The following LTBP2 variants were observed in gnomAD, a reference collection of about 807,000 sequenced individuals.
LTBP2 encodes the protein latent transforming growth factor beta binding protein 2.
LTBP2 carries 103 observed loss-of-function variants against 210.6 expected under a neutral mutation model. The observed-to-expected ratio is 0.49, with a 90% CI of 0.42 to 0.58. The LOEUF is 0.58. LTBP2 is among the 20% of genes least tolerant of loss of function. The probability of loss-of-function intolerance (pLI) is 0.00; values close to 1 mark genes in which losing one functional copy is unlikely to be tolerated. For synonymous variants in LTBP2, 1,007 were observed against 1,015.0 expected, an observed-to-expected ratio of 0.99 and a Z score of 0.15; for missense variants, 2,313 against 2,494.5, an observed-to-expected ratio of 0.93 and a Z score of 1.55.
chr14:74,516,983 G>C (rs1484309445), intron 17 of LTBP2, 42 bp from the exon 18 acceptor site: 2 of 1,546,856 alleles, frequency 1.3e-6, no homozygotes, highest in Admixed American at 2.0e-5. Flanking sequence ...GCCAGCCCTG[G>C]AGGATGGTGG....
chr14:74,555,519 G>A lies in LTBP2; in HGVS notation c.1005C>T (p.His335=). Reference sequence around the variant, plus strand: ...TATCCTTACCCCAGGGGGATGAGGGGTGCTCCAGAGGTACCGCCTGTTGGG... The same window carrying A: ...TATCCTTACCCCAGGGGGATGAGGGATGCTCCAGAGGTACCGCCTGTTGGG... ...DGTQQAVPLE[H]PSSPWGLNLT... Residue 335 remains histidine (H), a synonymous_variant, in exon 4 of 36, where the codon CAC becomes CAT. Transcript: ENST00000261978. 2.5e-6 allele frequency: 4 copies of A among 1,613,676 alleles called. No individual in the cohort carries two copies. Among genetic ancestry groups the A allele is most frequent in the Non-Finnish European group, 3.4e-6 (4 of 1,179,746 alleles).
chr14:74,579,149 G>A (rs1274280588), intron 3 of LTBP2, among the ~76,000 whole-genome samples: 2 of 152,160 alleles, frequency 1.3e-5, no homozygotes, highest in Admixed American at 6.5e-5. Flanking sequence ...GAGCCACTGC[G>A]CCTGGCCCCA....
chr14:74,506,196 C>A lies in LTBP2; in HGVS notation c.4034-5G>T. 6.2e-7 allele frequency: 1 copy of A among 1,614,134 alleles called. No homozygotes were observed. Among genetic ancestry groups the A allele is most frequent in the Non-Finnish European group, 8.5e-7 (1 of 1,180,020 alleles). ...TAAGCTCACACTCGTTCACATCTGC[C>A]AGGTGTGAGAACAGGCTCGTGGGCA... On this transcript the variant is annotated splice_polypyrimidine_tract_variant and splice_region_variant and intron_variant, in intron 27 of 35. Coordinates refer to ENST00000261978, the MANE Select transcript of LTBP2 (RefSeq NM_000428.3).
Position 74,585,887 on chromosome 14 carries a change from T to G in LTBP2, c.797A>C (p.Gln266Pro), listed in dbSNP as rs200005203. Residue 266 changes from glutamine (Q) to proline (P), a missense_variant, in exon 3 of 36, where the codon CAG becomes CCG. Physicochemically the swap from Gln to Pro is moderately conservative, Grantham distance 76. Around this residue, in one of 3 missense-constraint regions of LTBP2, gnomAD observed 1,867 missense variants for 1,976.9 expected, o/e 0.94. Coordinates refer to ENST00000261978, the MANE Select transcript of LTBP2 (RefSeq NM_000428.3). ...TGGCGACTGTGGTGCGGGCGGCGAC[T>G]GTGGTGCTGGCGGCTGTGCTCTGGC... ...TLARAQPPAP[Q>P]SPPAPQSPPA... 1.2e-6 allele frequency: 2 copies of G among 1,613,664 alleles called. No individual in the cohort carries two copies. The highest frequency in any genetic ancestry group is 1.6e-4 in the Middle Eastern group (1 of 6,078).
At chr14:74,521,333 A>C (rs952936919) in intron 17 of LTBP2, among the ~76,000 whole-genome samples, 1 of 152,228 alleles carries the variant, frequency 6.6e-6, no homozygotes, top group Non-Finnish European at 1.5e-5. Flanking sequence ...AATCATAAAA[A>C]TGTATGTGGA....
At position 74,601,556 on chromosome 14, in the gene LTBP2, T is replaced by C. The variant is rs377122210; in HGVS notation, c.565+2079A>G. 5.7e-4 allele frequency among the ~76,000 whole-genome samples: 87 copies of C among 152,278 alleles called. 2 individuals carry two copies. The South Asian group carries it at 5.8e-3, about 10-fold the overall frequency. On this transcript the variant is annotated intron_variant, in intron 2 of 35. Transcript: ENST00000261978. ...GCTTCGTTGTTTGTTTTTGAGTTTT[T>C]GGCTCTGGTTCTGTTATTTGGAGGT... is the stretch of plus-strand genomic sequence containing the variant.
At chr14:74,506,591 C>T in intron 27 of LTBP2, 107 bp downstream of exon 27, 2 of 1,546,876 alleles carry the variant, frequency 1.3e-6, no homozygotes, top group Non-Finnish European at 1.8e-6. Context: ...CTTGCCCATG[C>T]TCTGGGGACC....
intron 3 of LTBP2, among the ~76,000 whole-genome samples, chr14:74,569,569 G>C (rs2087948386): frequency 6.6e-6 from 1 of 152,188 alleles, no homozygotes; most frequent in South Asian, 2.1e-4. Context: ...ACTCCTCCCA[G>C]GTCCAATGAC....
chr14:74,498,218 G>A lies in LTBP2; in HGVS notation c.*2666C>T, dbSNP rs1320289903. 5.6e-6 allele frequency: 1 copy of A among 177,476 alleles called. No homozygotes were observed. The highest frequency in any genetic ancestry group is 1.2e-5 in the Non-Finnish European group (1 of 82,654). The allele number at this position is 177,476 out of a possible 1,614,324, so 11.0% of individuals were successfully genotyped here. ...AATATTTTATTTTTTTTGAATAGGT[G>A]ATACATATGGTACAAAATTCAAAAA... On this transcript the variant is annotated 3_prime_UTR_variant, in exon 36 of 36. Transcript: ENST00000261978.
chr14:74,528,831 G>T, intron 11 of LTBP2, 127 bp downstream of exon 11: 1 of 1,510,974 alleles, frequency 6.6e-7, no homozygotes, highest in Admixed American at 1.9e-5. Context: ...GTTGGGATAA[G>T]CACGTGAGCA....
At chr14:74,567,502 C>T (rs766975032) in intron 3 of LTBP2, among the ~76,000 whole-genome samples, 7 of 152,104 alleles carry the variant, frequency 4.6e-5, no homozygotes, top group Non-Finnish European at 8.8e-5. Flanking sequence ...CTCAGGGCTC[C>T]AGGAAATGCC....
chr14:74,549,339 C>T (rs982712030), intron 8 of LTBP2, among the ~76,000 whole-genome samples: 5 of 151,986 alleles, frequency 3.3e-5, no homozygotes, highest in African/African-American at 1.2e-4. Context: ...AATGAATTAA[C>T]ACATGTTAGG....
chr14:74,559,559 G>C (rs1212589338), intron 3 of LTBP2, among the ~76,000 whole-genome samples: 3 of 152,122 alleles, frequency 2.0e-5, no homozygotes, highest in African/African-American at 7.2e-5. Flanking sequence ...GCAGGTTCTT[G>C]GCTCAACTCT....
chr14:74,510,564 T>C (rs969502086), intron 19 of LTBP2, among the ~76,000 whole-genome samples: 1 of 152,214 alleles, frequency 6.6e-6, no homozygotes, highest in Non-Finnish European at 1.5e-5. Context: ...GAACCCTACA[T>C]GACCTCCTAC....
chr14:74,606,349 A>C (rs961767591), intron 1 of LTBP2, among the ~76,000 whole-genome samples: 61 of 152,044 alleles, frequency 4.0e-4, no homozygotes, highest in African/African-American at 1.4e-3. Flanking sequence ...CATCACCCCC[A>C]CCTTGTCTCC....
chr14:74,523,159 T>G (rs764212419), intron 15 of LTBP2, among the ~76,000 whole-genome samples: 1 of 151,762 alleles, frequency 6.6e-6, no homozygotes, highest in Non-Finnish European at 1.5e-5. Context: ...CTCACCGAGA[T>G]CTAATGGATA....
In LTBP2 at chr14:74,505,149, CG is replaced by C; in HGVS notation, c.4202del (p.Thr1401ArgfsTer90). 6.2e-7 allele frequency: 1 copy of C among 1,613,460 alleles called. No homozygotes were observed. The highest frequency in any genetic ancestry group is 8.5e-7 in the Non-Finnish European group (1 of 1,180,016). The stretch of plus-strand genomic sequence containing the variant: ...GGGTGGGGGCCGGGGCATGGTCCCC[CG>C]TTGGGGCCTCAGACATACTCTGACC... Reference protein sequence around the residue: ...AGGQSMSEAPTGDHAPAPTRM... With the variant: ...AGGQSMSEAPXGDHAPAPTRM... On this transcript the variant is annotated frameshift_variant, in exon 29 of 36. Transcript: ENST00000261978. LOFTEE classifies it high-confidence loss of function.
Position 74,563,151 on chromosome 14 carries a change from C to T in LTBP2, c.831-7458G>A, listed in dbSNP as rs149147952. Among the ~76,000 whole-genome samples, 1,477 of 152,288 alleles carry T rather than the reference C, an allele frequency of 9.7e-3. 15 individuals are homozygous for T. The highest frequency in any genetic ancestry group is 0.016 in the Non-Finnish European group (1,072 of 68,024). ...GCCCCCAGGCCTTAAGGAGAAACAA[C>T]TTTGTAAGCTCTATCCTCAATCAGG... is the stretch of plus-strand genomic sequence containing the variant. On this transcript the variant is annotated intron_variant, in intron 3 of 35. Transcript: ENST00000261978.
intron 3 of LTBP2, among the ~76,000 whole-genome samples, chr14:74,572,304 TGTCTGTGTGTGTGTGTGTGA>T (rs764372956): frequency 2.0e-5 from 3 of 148,296 alleles, no homozygotes; most frequent in Non-Finnish European, 4.5e-5. Flanking sequence ...TGTGTGTGTG[TGTCTGTGTGTGTGTGTGTGA>T]GAGAGAGAGA....
Sources: gnomAD v4.1 joint callset for allele counts (sites outside exome capture counted in the v4.1 genomes callset) on GRCh38, gnomAD v4.1.1 for gene constraint, gnomAD v4.1.1 regional missense constraint, MANE v1.5 for transcripts, NCBI Gene and HGNC (gene_info 2026-07-23, HGNC 2026-07-21) for gene names.